The following KSR2 variants were observed in gnomAD, a reference collection of about 807,000 sequenced individuals.
The protein encoded by KSR2 is kinase suppressor of ras 2.
In KSR2, 25 loss-of-function variants were observed where a neutral mutation model predicts 107.8. The ratio of observed to expected loss-of-function variants is 0.23; its 90% CI spans 0.17 to 0.32. The LOEUF is 0.32. KSR2 is among the 10% of genes least tolerant of loss of function. The pLI is 1.00. For synonymous variants in KSR2, 480 were observed against 507.0 expected, an observed-to-expected ratio of 0.95 and a Z score of 0.71; for missense variants, 887 against 1,268.9, an observed-to-expected ratio of 0.70 and a Z score of 4.57.
intron 4 of KSR2, among the ~76,000 whole-genome samples, chr12:117,738,745 C>G (rs1050664124): frequency 6.6e-6 from 1 of 152,088 alleles, no homozygotes. Context: ...CATGATGGCA[C>G]ACGCTTGTAG....
chr12:117,830,890 C>T (rs1312463014), intron 3 of KSR2, among the ~76,000 whole-genome samples: 4 of 152,080 alleles, frequency 2.6e-5, no homozygotes, highest in Non-Finnish European at 5.9e-5. Flanking sequence ...GCCTCATTTT[C>T]CTTGAGAAAG....
At chr12:117,799,662 T>G (rs1333044112) in intron 3 of KSR2, among the ~76,000 whole-genome samples, 2 of 152,208 alleles carry the variant, frequency 1.3e-5, no homozygotes, top group African/African-American at 4.8e-5. Flanking sequence ...CGGACTGGTA[T>G]TGAGGCTCAG....
intron 1 of KSR2, among the ~76,000 whole-genome samples, chr12:117,932,805 C>A (rs1331302550): frequency 6.6e-6 from 1 of 151,948 alleles, no homozygotes; most frequent in South Asian, 2.1e-4. Context: ...CTGAGGTCAG[C>A]AGTTGGAGAC....
intron 5 of KSR2, among the ~76,000 whole-genome samples, chr12:117,666,422 A>G (rs899313374): frequency 2.0e-5 from 3 of 152,244 alleles, no homozygotes; most frequent in Non-Finnish European, 4.4e-5. Context: ...TTGAGCGGTC[A>G]TGGTTATCAA....
At chr12:117,921,377 G>A (rs1895340429) in intron 1 of KSR2, among the ~76,000 whole-genome samples, 1 of 152,160 alleles carries the variant, frequency 6.6e-6, no homozygotes, top group Non-Finnish European at 1.5e-5. Flanking sequence ...AGCTGTCTTT[G>A]AAGCCACACA....
chr12:117,922,265 C>T (rs1324977329), intron 1 of KSR2, among the ~76,000 whole-genome samples: 1 of 152,108 alleles, frequency 6.6e-6, no homozygotes, highest in Non-Finnish European at 1.5e-5. Context: ...AACTTCTTCC[C>T]AGAGAAATTC....
chr12:117,520,861 C>T (rs556367613), intron 14 of KSR2, among the ~76,000 whole-genome samples: 3 of 152,184 alleles, frequency 2.0e-5, no homozygotes, highest in East Asian at 1.9e-4. Flanking sequence ...GACAATGTCT[C>T]GAGGGCATTT....
intron 5 of KSR2, among the ~76,000 whole-genome samples, chr12:117,609,848 G>A (rs577677355): frequency 6.6e-6 from 1 of 152,268 alleles, no homozygotes; most frequent in South Asian, 2.1e-4. Flanking sequence ...AGCTATGACA[G>A]CCAAAAATGT....
At chr12:117,787,496 A>C (rs1413051803) in intron 3 of KSR2, among the ~76,000 whole-genome samples, 1 of 151,494 alleles carries the variant, frequency 6.6e-6, no homozygotes, top group Non-Finnish European at 1.5e-5. Context: ...AGCCGAGCAC[A>C]GCGGCACATG....
intron 5 of KSR2, among the ~76,000 whole-genome samples, chr12:117,590,328 G>A (rs1224412731): frequency 6.6e-6 from 1 of 152,232 alleles, no homozygotes; most frequent in Non-Finnish European, 1.5e-5. Context: ...CTTGCCCAGT[G>A]CAGTGTGGGA....
At chr12:117,830,650 C>T (rs1237579984) in intron 3 of KSR2, among the ~76,000 whole-genome samples, 7 of 152,168 alleles carry the variant, frequency 4.6e-5, no homozygotes, top group African/African-American at 1.7e-4. Flanking sequence ...AAAAGATTTT[C>T]TCAGAATTCT....
At chr12:117,886,567 G>T (rs923563217) in intron 1 of KSR2, among the ~76,000 whole-genome samples, 5 of 152,024 alleles carry the variant, frequency 3.3e-5, no homozygotes, top group African/African-American at 1.2e-4. Context: ...TGTGAAGTAG[G>T]CTATGCCATC....
chr12:117,695,892 C>A (rs1191133623), intron 4 of KSR2, among the ~76,000 whole-genome samples: 1 of 152,078 alleles, frequency 6.6e-6, no homozygotes, highest in African/African-American at 2.4e-5. Flanking sequence ...AGAGGGTCAC[C>A]AAGACCCACA....
intron 4 of KSR2, among the ~76,000 whole-genome samples, chr12:117,672,969 T>C (rs1884976675): frequency 6.6e-6 from 1 of 152,032 alleles, no homozygotes; most frequent in Admixed American, 6.6e-5. Context: ...CCTTAGTGAG[T>C]GAAGAGGACA....
chr12:117,918,806 T>C (rs1032621200), intron 1 of KSR2, among the ~76,000 whole-genome samples: 1 of 143,420 alleles, frequency 7.0e-6, no homozygotes, highest in Non-Finnish European at 1.5e-5. Flanking sequence ...AAAAAAAAAG[T>C]ATCTTTTAAA....
At chr12:117,556,140 G>A (rs59823056) in intron 8 of KSR2, among the ~76,000 whole-genome samples, 5,932 of 142,892 alleles carry the variant, frequency 0.042, 345 homozygotes, top group African/African-American at 0.14. Flanking sequence ...GAAGCTGGTG[G>A]ATTTCTGCAA....
At chr12:117,597,108 C>A (rs1412821203) in intron 5 of KSR2, among the ~76,000 whole-genome samples, 1 of 152,138 alleles carries the variant, frequency 6.6e-6, no homozygotes, top group Admixed American at 6.5e-5. Context: ...TGGTGTGCAG[C>A]AGATGTCTCA....
At chr12:117,862,379 C>T (rs1566056076) in intron 1 of KSR2, among the ~76,000 whole-genome samples, 2 of 152,072 alleles carry the variant, frequency 1.3e-5, no homozygotes, top group Admixed American at 6.6e-5. Context: ...TCAAAAAATT[C>T]GGAGGGCCAG....
chr12:117,765,155 T>G (rs900215484), intron 3 of KSR2, among the ~76,000 whole-genome samples: 3 of 152,236 alleles, frequency 2.0e-5, no homozygotes, highest in Non-Finnish European at 2.9e-5. Flanking sequence ...GACAAGTTTC[T>G]CCATCGCATG....
Sources: gnomAD v4.1 joint callset for allele counts (sites outside exome capture counted in the v4.1 genomes callset) on GRCh38, gnomAD v4.1.1 for gene constraint, MANE v1.5 for transcripts, NCBI Gene and HGNC (gene_info 2026-07-23, HGNC 2026-07-21) for gene names.